PRRC2B: variants seen among roughly 807,000 people sequenced by gnomAD.
PRRC2B encodes the protein protein PRRC2B.
In PRRC2B, 68 loss-of-function variants were observed where a neutral mutation model predicts 242.3. The ratio of observed to expected loss-of-function variants is 0.28; its 90% CI spans 0.23 to 0.34. The LOEUF (loss-of-function observed/expected upper bound fraction) is 0.34. Ranked by LOEUF, PRRC2B falls within the 10% of genes least tolerant of loss-of-function variation. The pLI is 1.00. For synonymous variants in PRRC2B, 1,228 were observed against 1,173.6 expected, an observed-to-expected ratio of 1.05 and a Z score of -0.95; for missense variants, 2,835 against 2,954.8, an observed-to-expected ratio of 0.96 and a Z score of 0.94.
In PRRC2B at chr9:131,498,271, T is replaced by TG. The variant is rs1237862950; in HGVS notation, c.*2398dup. 6.6e-6 allele frequency: 1 copy of TG among 151,980 alleles called. No individual in the cohort carries two copies. The highest frequency in any genetic ancestry group is 1.5e-5 in the Non-Finnish European group (1 of 67,982). 9.4% of individuals were successfully genotyped at this position (151,980 alleles called of 1,614,324 possible). On this transcript the variant is annotated 3_prime_UTR_variant, in exon 32 of 32. Transcript: ENST00000683519. ...TATGTATTGATGTTGTAGGTCTAGG[T>TG]GAAAAAAAAAGAAGTAAATGTTTCA...
At position 131,475,127 on chromosome 9, in the gene PRRC2B, A is replaced by T; in HGVS notation, c.2998A>T (p.Thr1000Ser). The T allele has an allele frequency of 1.2e-6, 2 of 1,612,548 alleles. No individual in the cohort carries two copies. Among genetic ancestry groups the T allele is most frequent in the Middle Eastern group, 1.7e-4 (1 of 6,058 alleles). ...ENDASLANSSTTTLEDKGPGH... is the reference protein window; with the variant it reads ...ENDASLANSSSTTLEDKGPGH... ...CGATGCCTCTCTGGCCAACTCCTCCACCACCACTTTGGAGGACAAAGGCCC... is the reference window on the plus strand; with the variant it reads ...CGATGCCTCTCTGGCCAACTCCTCCTCCACCACTTTGGAGGACAAAGGCCC... The change falls in exon 16 of 32, where the codon ACC (threonine) becomes TCC (serine). Residue 1000 changes from threonine to serine, a missense_variant. Thr to Ser is a moderately conservative substitution (Grantham distance 58). Coordinates refer to ENST00000683519, the MANE Select transcript of PRRC2B (RefSeq NM_013318.4).
At chr9:131,436,595 A>G in intron 3 of PRRC2B, 25 bp from the exon 4 acceptor site, 1 of 1,597,886 alleles carries the variant, frequency 6.3e-7, no homozygotes, top group Non-Finnish European at 8.6e-7. Context: ...GCGGTGCCTG[A>G]CCCCACTGCC....
Position 131,446,515 on chromosome 9 carries a change from C to T in PRRC2B, c.728C>T (p.Ser243Phe), listed in dbSNP as rs1422162177. 9.9e-6 allele frequency: 16 copies of T among 1,613,834 alleles called. No homozygotes were observed. The East Asian group carries it at 3.1e-4, about 31-fold the overall frequency. Reference protein sequence around the residue: ...RNSSTGDGAPSSACTSDSKDP... With the variant: ...RNSSTGDGAPFSACTSDSKDP... The stretch of plus-strand genomic sequence containing the variant: ...TCGAGTACGGGAGATGGAGCCCCCT[C>T]CTCGGCATGTACCAGCGATTCTAAG... The change falls in exon 7 of 32, where the codon TCC (serine) becomes TTC (phenylalanine). Residue 243 changes from serine (S) to phenylalanine (F), a missense_variant. Around this residue, in one of 7 missense-constraint regions of PRRC2B, gnomAD observed 626 missense variants for 685.5 expected, o/e 0.91. Transcript: ENST00000683519. This position sits in a 1 kb window ranked among gnomAD's most constrained non-coding sequence, Gnocchi z 4.1.
chr9:131,467,086 C>T (rs910388436), intron 12 of PRRC2B, among the ~76,000 whole-genome samples: 1 of 144,278 alleles, frequency 6.9e-6, no homozygotes, highest in Non-Finnish European at 1.5e-5. Context: ...CAGGTGTGAG[C>T]CACCGCGCCT....
intron 1 of PRRC2B, among the ~76,000 whole-genome samples, chr9:131,426,727 C>T (rs1159233025): frequency 1.3e-5 from 2 of 152,154 alleles, no homozygotes; most frequent in Non-Finnish European, 2.9e-5. Context: ...TGGCAGGTAA[C>T]TTGGGGGCAG....
rs371992832 is a variant in PRRC2B, at chr9:131,475,609, G to A, written c.3480G>A (p.Ser1160=). ...GCTCCGAGAACGGGAATGAAGGCTC[G>A]CTCCTGGAGAGGGAGGAGAGCACCT... ...QRGSENGNEG[S]LLEREESTLK... Residue 1160 remains serine, a synonymous_variant, in exon 16 of 32, where the codon TCG becomes TCA. Coordinates refer to ENST00000683519, the MANE Select transcript of PRRC2B (RefSeq NM_013318.4). 15 of 1,612,232 alleles carry A rather than the reference G, an allele frequency of 9.3e-6. 1 individual carries two copies. The highest frequency in any genetic ancestry group is 1.6e-4 in the Middle Eastern group (1 of 6,084).
At chr9:131,448,147 G>C (rs1206462994) in intron 9 of PRRC2B, 1 of 187,182 alleles carries the variant, frequency 5.3e-6, no homozygotes, top group African/African-American at 2.3e-5. Context: ...CTGCCATTCG[G>C]TTTTTGTTTG....
chr9:131,476,354 A>G lies in PRRC2B; in HGVS notation c.4225A>G (p.Ser1409Gly), dbSNP rs1367299741. The G allele has an allele frequency of 6.3e-7, 1 of 1,593,022 alleles. No individual in the cohort carries two copies. Among genetic ancestry groups the G allele is most frequent in the Admixed American group, 1.8e-5 (1 of 56,110 alleles). The change falls in exon 16 of 32, where the codon AGT (serine) becomes GGT (glycine). Residue 1409 changes from serine to glycine, a missense_variant. Coordinates refer to ENST00000683519, the MANE Select transcript of PRRC2B (RefSeq NM_013318.4). The part of the protein sequence containing the change: ...SQVDGGLSGA[S>G]LGEKKELAKR... The stretch of plus-strand genomic sequence containing the variant: ...GGTGGATGGTGGCCTGTCGGGGGCT[A>G]GTTTGGGTGAGAAGAAGGAGCTGGC...
chr9:131,471,086 G>T (rs927059644), intron 14 of PRRC2B, 103 bp downstream of exon 14: 20 of 789,278 alleles, frequency 2.5e-5, no homozygotes, highest in Non-Finnish European at 4.0e-5. Flanking sequence ...TTTTGGTCTG[G>T]CTCTTTGTCA....
Position 131,434,751 on chromosome 9 carries a change from C to G in PRRC2B, c.294-1869C>G, listed in dbSNP as rs181738256. ...TTCCCACCAGGGGGGTGGCTGCCCT[C>G]CTTGAATCTCGTTGAGTGAAAAGTT... On this transcript the variant is annotated intron_variant, in intron 3 of 31. Transcript: ENST00000683519. 5.8e-3 allele frequency among the ~76,000 whole-genome samples: 880 copies of G among 152,250 alleles called. 4 individuals are homozygous for G. The highest frequency in any genetic ancestry group is 9.4e-3 in the Non-Finnish European group (641 of 68,020).
Position 131,447,122 on chromosome 9 carries a change from T to C in PRRC2B, c.893T>C (p.Val298Ala). 5.0e-6 allele frequency: 8 copies of C among 1,614,040 alleles called. No individual in the cohort carries two copies. The highest frequency in any genetic ancestry group is 1.1e-5 in the South Asian group (1 of 91,088). ...SPKSSENQGT[V>A]ERGSFPLPQL... ...AAGTCATCAGAAAACCAGGGTACAG[T>C]GGAACGAGGCTCTTTTCCCCTTCCT... Residue 298 changes from valine to alanine, a missense_variant, in exon 8 of 32, where the codon GTG becomes GCG. Physicochemically the swap from Val to Ala is moderately conservative, Grantham distance 64. Around this residue, in one of 7 missense-constraint regions of PRRC2B, gnomAD observed 626 missense variants for 685.5 expected, o/e 0.91. Transcript: ENST00000683519.
intron 14 of PRRC2B, among the ~76,000 whole-genome samples, chr9:131,471,209 C>T (rs1274261090): frequency 6.6e-6 from 1 of 152,122 alleles, no homozygotes; most frequent in Non-Finnish European, 1.5e-5. Context: ...TCATAAATTG[C>T]TTTAATTAAT....
Position 131,494,463 on chromosome 9 carries a change from G to A in PRRC2B, c.6532G>A (p.Val2178Met), listed in dbSNP as rs1944276613. Residue 2178 changes from valine to methionine, a missense_variant, in exon 31 of 32, where the codon GTG becomes ATG. Val to Met is a conservative substitution (Grantham distance 21). Coordinates refer to ENST00000683519, the MANE Select transcript of PRRC2B (RefSeq NM_013318.4). The surrounding 1 kb of genome is among the most constrained non-coding windows in gnomAD (Gnocchi z 4.3). ...TGGATCAGCAGTTAACATGGGCTCT[G>A]TGCAGGGACACTACGTGCAACAGGT... ...PSGSAVNMGSVQGHYVQQAKQ... is the reference protein window; with the variant it reads ...PSGSAVNMGSMQGHYVQQAKQ... 1 of 1,601,604 alleles carries A rather than the reference G, an allele frequency of 6.2e-7. No individual in the cohort carries two copies. The highest frequency in any genetic ancestry group is 2.2e-5 in the East Asian group (1 of 44,630).
At chr9:131,474,423 G>C (rs779100730) in intron 15 of PRRC2B, 31 bp from the exon 16 acceptor site, 1 of 1,567,734 alleles carries the variant, frequency 6.4e-7, no homozygotes, top group South Asian at 1.2e-5. Context: ...GGCTCCAATC[G>C]CATTGACTGA....
chr9:131,379,609 T>A (rs1836729321), intron 1 of PRRC2B, among the ~76,000 whole-genome samples: 2 of 150,922 alleles, frequency 1.3e-5, no homozygotes, highest in Middle Eastern at 3.4e-3. Flanking sequence ...AAATACCTAT[T>A]CAAGTCCTTG....
intron 11 of PRRC2B, among the ~76,000 whole-genome samples, chr9:131,463,962 G>C (rs56181341): frequency 6.9e-6 from 1 of 145,178 alleles, no homozygotes; most frequent in African/African-American, 2.6e-5. Flanking sequence ...TTTTCCCCCA[G>C]ATGGAGTCTC....
chr9:131,393,183 C>T (rs558080435), upstream of PRRC2B, among the ~76,000 whole-genome samples: 1 of 152,236 alleles, frequency 6.6e-6, no homozygotes, highest in Admixed American at 6.5e-5. Context: ...TAATATCTGC[C>T]CCTGGGTTAG....
intron 10 of PRRC2B, among the ~76,000 whole-genome samples, chr9:131,456,088 G>C (rs1415185207): frequency 6.6e-6 from 1 of 151,842 alleles, no homozygotes; most frequent in Non-Finnish European, 1.5e-5. Context: ...ACTTCAGCCT[G>C]GGCGACAGAG....
intron 3 of PRRC2B, among the ~76,000 whole-genome samples, chr9:131,434,041 G>A (rs1838262456): frequency 6.6e-6 from 1 of 152,142 alleles, no homozygotes; most frequent in South Asian, 2.1e-4. Flanking sequence ...CTGGAGAATT[G>A]TTTGACTTCT....
Sources: gnomAD v4.1 joint callset for allele counts (sites outside exome capture counted in the v4.1 genomes callset) on GRCh38, gnomAD v4.1.1 for gene constraint, gnomAD v4.1.1 regional missense constraint, Gnocchi (gnomAD v3.1) non-coding constraint, MANE v1.5 for transcripts, NCBI Gene and HGNC (gene_info 2026-07-23, HGNC 2026-07-21) for gene names.